Variants in TENM3 observed in about 807,000 individuals in gnomAD.
The protein encoded by TENM3 is teneurin transmembrane protein 3, also known as teneurin-3.
Under a neutral mutation model 255.1 loss-of-function variants are expected in TENM3, and 63 were observed. The observed-to-expected ratio is 0.25, with a 90% CI of 0.20 to 0.30. The LOEUF is 0.30. Ranked by LOEUF, TENM3 falls within the 10% of genes least tolerant of loss-of-function variation. The pLI, the probability that TENM3 is intolerant of heterozygous loss-of-function variation, is 1.00. For synonymous variants in TENM3, 1,306 were observed against 1,322.3 expected, an observed-to-expected ratio of 0.99 and a Z score of 0.27; for missense variants, 2,929 against 3,461.1, an observed-to-expected ratio of 0.85 and a Z score of 3.86.
chr4:182,303,596 A>T (rs1372490869), intron 1 of TENM3, among the ~76,000 whole-genome samples: 2 of 152,134 alleles, frequency 1.3e-5, no homozygotes, highest in East Asian at 3.9e-4. Flanking sequence ...TCTGGTTTTG[A>T]GCCGTAGCTG....
the TENM3 span, among the ~76,000 whole-genome samples, chr4:181,482,473 CAG>C: frequency 0.023 from 3,524 of 152,206 alleles, 64 homozygotes; most frequent in Non-Finnish European, 0.039. Context: ...AGCGATGGTT[CAG>C]AGTTACAAAT....
the TENM3 span, among the ~76,000 whole-genome samples, chr4:181,502,677 T>C: frequency 6.6e-6 from 1 of 152,136 alleles, no homozygotes; most frequent in Non-Finnish European, 1.5e-5. Flanking sequence ...TTTATTGCTA[T>C]GGGCCTGGCT....
chr4:181,907,275 G>A, the TENM3 span, among the ~76,000 whole-genome samples: 7 of 152,308 alleles, frequency 4.6e-5, no homozygotes, highest in Middle Eastern at 3.4e-3. Flanking sequence ...CAGGAGGACC[G>A]TGGCAAGTTG....
chr4:182,645,113 T>C (rs1352758746), intron 5 of TENM3, among the ~76,000 whole-genome samples: 1 of 151,942 alleles, frequency 6.6e-6, no homozygotes, highest in Non-Finnish European at 1.5e-5. Flanking sequence ...TTCTTTTTTC[T>C]GTTCATGATA....
At chr4:182,787,873 G>A (rs558766449) in intron 24 of TENM3, among the ~76,000 whole-genome samples, 25 of 151,792 alleles carry the variant, frequency 1.6e-4, no homozygotes, top group South Asian at 1.5e-3. Context: ...GCCATTCCAC[G>A]GACTTCACCA....
At chr4:182,524,359 T>C (rs1245962372) in intron 3 of TENM3, among the ~76,000 whole-genome samples, 6 of 127,302 alleles carry the variant, frequency 4.7e-5, no homozygotes, top group African/African-American at 1.8e-4. Context: ...GAGCTTTTTT[T>C]TTTTTTTTTT....
At chr4:181,723,758 T>A in the TENM3 span, among the ~76,000 whole-genome samples, 36 of 152,192 alleles carry the variant, frequency 2.4e-4, no homozygotes, top group African/African-American at 7.2e-4. Context: ...ACTAAGTGGA[T>A]TCTGGAAATT....
chr4:181,906,771 T>C, the TENM3 span, among the ~76,000 whole-genome samples: 1 of 152,220 alleles, frequency 6.6e-6, no homozygotes, highest in Non-Finnish European at 1.5e-5. Flanking sequence ...GGACTGGAAC[T>C]CCTGAGCCCA....
At chr4:181,844,439 C>T in the TENM3 span, among the ~76,000 whole-genome samples, 5 of 151,956 alleles carry the variant, frequency 3.3e-5, no homozygotes, top group Admixed American at 6.6e-5. Context: ...GAGGCCGAGG[C>T]GGGCGGATCA....
chr4:182,386,718 T>C (rs370105669), intron 3 of TENM3, among the ~76,000 whole-genome samples: 1 of 152,230 alleles, frequency 6.6e-6, no homozygotes, highest in Non-Finnish European at 1.5e-5. Context: ...GAGGGTGTAC[T>C]GGGTCCCCCA....
At chr4:182,437,307 A>C (rs1772121247) in intron 3 of TENM3, among the ~76,000 whole-genome samples, 2 of 152,174 alleles carry the variant, frequency 1.3e-5, no homozygotes, top group African/African-American at 4.8e-5. Context: ...CAACAAACTC[A>C]GGAGGGTAGA....
At chr4:182,135,214 A>G in the TENM3 span, among the ~76,000 whole-genome samples, 62 of 125,922 alleles carry the variant, frequency 4.9e-4, no homozygotes, top group African/African-American at 1.5e-3. Context: ...CAAAAAAAAA[A>G]AAAAAAAAAA....
chr4:181,855,624 C>T, the TENM3 span, among the ~76,000 whole-genome samples: 77,554 of 152,022 alleles, frequency 0.51, 22,696 homozygotes, highest in Admixed American at 0.64. Flanking sequence ...TCTATTTGAA[C>T]TTAAGGTTAT....
At chr4:182,078,700 G>A in the TENM3 span, among the ~76,000 whole-genome samples, 1 of 152,258 alleles carries the variant, frequency 6.6e-6, no homozygotes, top group East Asian at 1.9e-4. Flanking sequence ...TGCTACTGCA[G>A]ACATCCAAGT....
At chr4:181,527,195 G>A in the TENM3 span, among the ~76,000 whole-genome samples, 1 of 152,138 alleles carries the variant, frequency 6.6e-6, no homozygotes. Flanking sequence ...CATTAAATGT[G>A]ATTTCACAGA....
the TENM3 span, among the ~76,000 whole-genome samples, chr4:181,596,334 T>C: frequency 6.6e-6 from 1 of 152,194 alleles, no homozygotes; most frequent in East Asian, 1.9e-4. Context: ...GCTTGCACGG[T>C]TTGTTTGTAA....
At chr4:182,214,602 G>A (rs1755324889) in intron 1 of TENM3, among the ~76,000 whole-genome samples, 1 of 151,856 alleles carries the variant, frequency 6.6e-6, no homozygotes, top group Admixed American at 6.6e-5. Context: ...CTGGGCTCAA[G>A]TGATCCTCCT....
intron 1 of TENM3, among the ~76,000 whole-genome samples, chr4:182,213,958 C>A (rs574402192): frequency 6.6e-6 from 1 of 152,058 alleles, no homozygotes; most frequent in South Asian, 2.1e-4. Context: ...CCCGCCACCA[C>A]GCCTGGCTAA....
the TENM3 span, among the ~76,000 whole-genome samples, chr4:181,717,771 C>T: frequency 3.5e-4 from 54 of 152,202 alleles, 1 homozygote; most frequent in African/African-American, 1.2e-3. Flanking sequence ...GTATCTATTC[C>T]TCCTTACTGA....
Sources: gnomAD v4.1 joint callset for allele counts (sites outside exome capture counted in the v4.1 genomes callset) on GRCh38, gnomAD v4.1.1 for gene constraint, MANE v1.5 for transcripts, NCBI Gene and HGNC (gene_info 2026-07-23, HGNC 2026-07-21) for gene names.